Variants in KIAA1671 observed in about 807,000 individuals in gnomAD.
KIAA1671 encodes KIAA1671, also known as uncharacterized protein KIAA1671.
KIAA1671 carries 52 observed loss-of-function variants against 131.2 expected under a neutral mutation model. The ratio of observed to expected loss-of-function variants is 0.40; its 90% CI spans 0.32 to 0.50. The LOEUF (loss-of-function observed/expected upper bound fraction) is 0.50. Among genes scored for constraint, KIAA1671 ranks in the 20% least tolerant of loss-of-function variants. The pLI is 0.73. For missense variants in KIAA1671, 2,360 were observed against 2,364.2 expected, an observed-to-expected ratio of 1.00 and a Z score of 0.04; for synonymous variants, 1,003 against 961.6, an observed-to-expected ratio of 1.04 and a Z score of -0.80.
At chr22:25,075,417 G>C (rs1016913468) in intron 6 of KIAA1671, among the ~76,000 whole-genome samples, 1 of 152,054 alleles carries the variant, frequency 6.6e-6, no homozygotes, top group African/African-American at 2.4e-5. Flanking sequence ...TCTAGTTCAG[G>C]GTCCCACATT....
At chr22:24,959,940 C>A (rs1197068806) in intron 1 of KIAA1671, among the ~76,000 whole-genome samples, 1 of 151,848 alleles carries the variant, frequency 6.6e-6, no homozygotes, top group Admixed American at 6.6e-5. Flanking sequence ...GAGTTCGAAA[C>A]CAGCCTGGCC....
intron 6 of KIAA1671, among the ~76,000 whole-genome samples, chr22:25,151,981 C>T (rs1352142969): frequency 6.6e-6 from 1 of 152,058 alleles, no homozygotes; most frequent in South Asian, 2.1e-4. Flanking sequence ...TTAAGTGATC[C>T]GCCCGCCTAA....
chr22:24,983,291 C>T (rs1398349281), intron 1 of KIAA1671, among the ~76,000 whole-genome samples: 1 of 152,196 alleles, frequency 6.6e-6, no homozygotes, highest in African/African-American at 2.4e-5. Flanking sequence ...AGCCACACTG[C>T]TTCAAAGGCT....
At chr22:24,968,392 G>T (rs528545089) in intron 1 of KIAA1671, among the ~76,000 whole-genome samples, 12 of 152,298 alleles carry the variant, frequency 7.9e-5, no homozygotes, top group African/African-American at 2.6e-4. Context: ...CCCCGGGAAG[G>T]TGGCTGTGCT....
At chr22:24,978,729 G>A (rs1923047675) in intron 1 of KIAA1671, among the ~76,000 whole-genome samples, 1 of 152,132 alleles carries the variant, frequency 6.6e-6, no homozygotes, top group African/African-American at 2.4e-5. Flanking sequence ...TGTCACCCAG[G>A]CTGGAATGCA....
At chr22:25,033,236 A>T (rs891571149) in intron 4 of KIAA1671, among the ~76,000 whole-genome samples, 236 of 151,606 alleles carry the variant, frequency 1.6e-3, no homozygotes, top group East Asian at 8.8e-3. Context: ...GAAAAAAAAA[A>T]TTTTTTTTAA....
At chr22:25,129,435 A>T (rs922243964) in intron 6 of KIAA1671, among the ~76,000 whole-genome samples, 7 of 151,030 alleles carry the variant, frequency 4.6e-5, no homozygotes, top group Non-Finnish European at 8.8e-5. Flanking sequence ...TGAACCCGGG[A>T]GGCAGAGGTT....
In KIAA1671 at chr22:25,056,259, T is replaced by C. The variant is rs1045920606; in HGVS notation, c.4530+6895T>C. ...TTCTGTGGGCTGTCTTTTCATTCTC[T>C]TGATAATGTTCTTTGATGCACAAAA... is the stretch of plus-strand genomic sequence containing the variant. On this transcript the variant is annotated intron_variant, in intron 6 of 12. Transcript: ENST00000358431. 22 of 149,486 alleles carry C rather than the reference T, an allele frequency of 1.5e-4. 1 individual carries two copies. The highest frequency in any genetic ancestry group is 4.9e-4 in the African/African-American group (20 of 40,944). The allele number at this position is 149,486 out of a possible 1,614,324, so 9.3% of individuals were successfully genotyped here. A position where few individuals can be genotyped will look rare whatever the true frequency, so the allele number is the denominator to read the frequency against.
At chr22:24,953,781 A>G (rs1921547196) in intron 1 of KIAA1671, among the ~76,000 whole-genome samples, 1 of 152,174 alleles carries the variant, frequency 6.6e-6, no homozygotes, top group South Asian at 2.1e-4. Context: ...CGCGACGCCT[A>G]GGTGGCTAGG....
intron 6 of KIAA1671, among the ~76,000 whole-genome samples, chr22:25,122,970 A>C (rs1368067254): frequency 6.6e-6 from 1 of 151,720 alleles, no homozygotes; most frequent in East Asian, 2.0e-4. Flanking sequence ...GCAAGACTCC[A>C]TCTCACAAAA....
At chr22:25,180,551 AG>A (rs1934231180) in intron 9 of KIAA1671, among the ~76,000 whole-genome samples, 1 of 152,066 alleles carries the variant, frequency 6.6e-6, no homozygotes, top group Non-Finnish European at 1.5e-5. Context: ...AAAAAAAAGA[AG>A]AAAAAATTTC....
At chr22:25,111,384 TG>T (rs1931336053) in intron 6 of KIAA1671, among the ~76,000 whole-genome samples, 1 of 151,984 alleles carries the variant, frequency 6.6e-6, no homozygotes. Flanking sequence ...GAGAAAAAAA[TG>T]GGGGCGGACG....
intron 1 of KIAA1671, among the ~76,000 whole-genome samples, chr22:24,984,469 A>T (rs539937344): frequency 1.3e-5 from 2 of 152,338 alleles, no homozygotes; most frequent in South Asian, 4.1e-4. Flanking sequence ...AGCCCAGGAC[A>T]GGGAGCACTG....
At chr22:24,966,212 C>T (rs1231230130) in intron 1 of KIAA1671, among the ~76,000 whole-genome samples, 1 of 152,198 alleles carries the variant, frequency 6.6e-6, no homozygotes, top group Non-Finnish European at 1.5e-5. Flanking sequence ...TAGTTCTTTC[C>T]TTTTTGTTTT....
At chr22:24,974,610 C>T (rs948244242) in intron 1 of KIAA1671, among the ~76,000 whole-genome samples, 9 of 149,276 alleles carry the variant, frequency 6.0e-5, no homozygotes, top group African/African-American at 2.0e-4. Context: ...GTTTTTCAAA[C>T]ATTTTTCTTG....
In KIAA1671 at chr22:25,028,306, G is replaced by T; in HGVS notation, c.307G>T (p.Ala103Ser). 6.4e-7 allele frequency: 1 copy of T among 1,551,122 alleles called. No homozygotes were observed. The highest frequency in any genetic ancestry group is 8.7e-7 in the Non-Finnish European group (1 of 1,147,010). The change falls in exon 3 of 13, where the codon GCA (alanine) becomes TCA (serine). Residue 103 changes from alanine (A) to serine (S), a missense_variant. This residue lies in a region of KIAA1671 where 1,185 missense variants were observed against 1,126.2 expected (regional missense o/e 1.05). Transcript: ENST00000358431. ...TGGGGGGCTCTCTGAGGAGCCAGCA[G>T]CAAAGGATCTGGACAACAGGATGCC... The part of the protein sequence containing the change: ...PSGGLSEEPA[A>S]KDLDNRMPGL...
intron 6 of KIAA1671, among the ~76,000 whole-genome samples, chr22:25,123,028 G>T (rs1028127123): frequency 2.6e-5 from 4 of 151,976 alleles, no homozygotes; most frequent in African/African-American, 4.8e-5. Flanking sequence ...TCTGATCAGA[G>T]CTTAATAGTT....
rs1329068992 is a variant in KIAA1671, at chr22:25,039,801, A to G, written c.2671A>G (p.Thr891Ala). 3.3e-6 allele frequency: 5 copies of G among 1,518,368 alleles called. No individual in the cohort carries two copies. Among genetic ancestry groups the G allele is most frequent in the Non-Finnish European group, 4.4e-6 (5 of 1,128,486 alleles). 94.1% of individuals were successfully genotyped at this position (1,518,368 alleles called of 1,614,324 possible). A position where few individuals can be genotyped will look rare whatever the true frequency, so the allele number is the denominator to read the frequency against. ...GCPLDPLSRA[T>A]NGPSDSQART... ...CCCCCTCGATCCTCTTTCCAGGGCT[A>G]CGAATGGGCCTTCTGACTCCCAAGC... The change falls in exon 5 of 13, where the codon ACG becomes GCG. Residue 891 changes from threonine (T) to alanine (A), a missense_variant. Thr to Ala is a moderately conservative substitution (Grantham distance 58). Coordinates refer to ENST00000358431, the MANE Select transcript of KIAA1671 (RefSeq NM_001145206.2).
chr22:24,977,508 CAGAA>C (rs2123823754), intron 1 of KIAA1671, among the ~76,000 whole-genome samples: 1 of 152,338 alleles, frequency 6.6e-6, no homozygotes, highest in Non-Finnish European at 1.5e-5. Context: ...TGAGTCCAAA[CAGAA>C]AGGCCTGAAT....
Sources: allele counts gnomAD v4.1 joint callset (sites outside exome capture counted in the v4.1 genomes callset), GRCh38; gene constraint gnomAD v4.1.1; regional missense constraint gnomAD v4.1.1; transcripts MANE v1.5; gene names NCBI Gene and HGNC (gene_info 2026-07-23, HGNC 2026-07-21).